CRLF3: variants seen among roughly 807,000 people sequenced by gnomAD.
CRLF3 encodes cytokine receptor like factor 3, also known as cytokine receptor-like factor 3.
CRLF3 carries 33 observed loss-of-function variants against 55.0 expected under a neutral mutation model. The observed-to-expected ratio is 0.60, with a 90% CI of 0.46 to 0.80. The LOEUF (loss-of-function observed/expected upper bound fraction) is 0.80. CRLF3 is among the 30% of genes least tolerant of loss of function. The pLI is 0.00. For synonymous variants in CRLF3, 238 were observed against 196.8 expected (o/e 1.21, Z -1.75); for missense variants, 494 against 538.4 (o/e 0.92, Z 0.82).
At chr17:30,790,050 T>C (rs1567658933) in intron 6 of CRLF3, among the ~76,000 whole-genome samples, 1 of 152,130 alleles carries the variant, frequency 6.6e-6, no homozygotes, top group Non-Finnish European at 1.5e-5. Flanking sequence ...TGAGTCATTC[T>C]TCATTAAGGG....
At chr17:30,791,096 CT>C (rs1001005180) in intron 6 of CRLF3, among the ~76,000 whole-genome samples, 4 of 150,110 alleles carry the variant, frequency 2.7e-5, no homozygotes, top group Admixed American at 2.7e-4. Context: ...TTTTTTTTTT[CT>C]TTTTGAGACG....
chr17:30,803,683 G>T, intron 2 of CRLF3: 2 of 541,878 alleles, frequency 3.7e-6, no homozygotes, highest in East Asian at 3.2e-5. Context: ...GTATTTTAAG[G>T]GGAAACCCCT....
In CRLF3 at chr17:30,824,464, C is replaced by A. The variant is rs553150865; in HGVS notation, c.129+59G>T. 1.9e-5 allele frequency: 29 copies of A among 1,503,806 alleles called. No individual in the cohort carries two copies. In the East Asian group the frequency reaches 6.4e-4, roughly 33 times the overall value. 93.2% of individuals were successfully genotyped at this position (1,503,806 alleles called of 1,614,324 possible). ...CACCCCTCAAAGCCCTCCCAGCCTT[C>A]GCCCGGCATCCGCGCCACCCCCGGG... On this transcript the variant is annotated intron_variant, in intron 1 of 7. Transcript: ENST00000324238.
In CRLF3 at chr17:30,783,336, G is replaced by A. The variant is rs1971544273; in HGVS notation, c.*851C>T. On this transcript the variant is annotated 3_prime_UTR_variant, in exon 8 of 8. Transcript: ENST00000324238. ...AGCATTTAAAAAAATACAAAAATTG[G>A]TCCACTGCAGTGGCTCACACCTGTA... 1 of 152,128 alleles carries A rather than the reference G, an allele frequency of 6.6e-6. No homozygotes were observed. Among genetic ancestry groups the A allele is most frequent in the Non-Finnish European group, 1.5e-5 (1 of 68,052 alleles). 9.4% of individuals were successfully genotyped at this position (152,128 alleles called of 1,614,324 possible). A position where few individuals can be genotyped will look rare whatever the true frequency, so the allele number is the denominator to read the frequency against.
At position 30,793,471 on chromosome 17, in the gene CRLF3, G is replaced by A; in HGVS notation, c.805C>T (p.His269Tyr). The change falls in exon 5 of 8, where the codon CAT becomes TAT. Residue 269 changes from histidine to tyrosine, a missense_variant. Physicochemically the swap from His to Tyr is moderately conservative, Grantham distance 83 (BLOSUM62 2). Coordinates refer to ENST00000324238, the MANE Select transcript of CRLF3 (RefSeq NM_015986.4). ...WSPWSVPQIG[H>Y]STLVPHEWTA... Reference sequence around the variant, plus strand: ...ATACCATGAGGCACCAATGTGGAATGACCTATCTGGGGGACACTCCAAGGA... The same window carrying A: ...ATACCATGAGGCACCAATGTGGAATAACCTATCTGGGGGACACTCCAAGGA... 6.2e-7 allele frequency: 1 copy of A among 1,614,014 alleles called. No individual in the cohort carries two copies.
At position 30,797,374 on chromosome 17, in the gene CRLF3, A is replaced by G. The variant is rs772658789; in HGVS notation, c.362T>C (p.Val121Ala). 1 of 1,613,872 alleles carries G rather than the reference A, an allele frequency of 6.2e-7. No homozygotes were observed. Among genetic ancestry groups the G allele is most frequent in the South Asian group, 1.1e-5 (1 of 91,072 alleles). ...REGEIAMLGG[V>A]GEENEKLWSF... ...CCACAGTTTCTCATTCTCTTCTCCC[A>G]CACCACCAAGCATGGCGATTTCACC... is the stretch of plus-strand genomic sequence containing the variant. The change falls in exon 3 of 8, where the codon GTG (valine) becomes GCG (alanine). Residue 121 changes from valine to alanine, a missense_variant. Physicochemically the swap from Val to Ala is moderately conservative, Grantham distance 64 (BLOSUM62 0). Transcript: ENST00000324238.
chr17:30,796,263 A>G lies in CRLF3; in HGVS notation c.500T>C (p.Val167Ala). The G allele has an allele frequency of 6.2e-7, 1 of 1,614,084 alleles. No individual in the cohort carries two copies. The highest frequency in any genetic ancestry group is 8.5e-7 in the Non-Finnish European group (1 of 1,179,974). Residue 167 changes from valine to alanine, a missense_variant, in exon 4 of 8, where the codon GTG (valine) becomes GCG (alanine). Physicochemically the swap from Val to Ala is moderately conservative, Grantham distance 64. Coordinates refer to ENST00000324238, the MANE Select transcript of CRLF3 (RefSeq NM_015986.4). ...TCCATGCTTAAAAATGTGGTCTTTC[A>G]CTATGTTAAGAATTGAGTCATCCAA... is the stretch of plus-strand genomic sequence containing the variant. ...AQLDDSILNI[V>A]KDHIFKHGTV...
chr17:30,808,277 ATTTTTTTT>A lies in CRLF3; in HGVS notation c.130-4177_130-4170del, dbSNP rs71138901. On this transcript the variant is annotated intron_variant, in intron 1 of 7. Transcript: ENST00000324238. ...TTCCTCCTCCTCCCCTAGAACCTAT[ATTTTTTTT>A]TTTTTTTTTTTTTTTTTTGGAGATG... 6.0e-4 allele frequency among the ~76,000 whole-genome samples: 33 copies of A among 54,898 alleles called. 1 individual carries two copies. The South Asian group carries it at 9.9e-3, about 16-fold the overall frequency. The allele number at this position is 54,898 out of a possible 152,430, so 36.0% of individuals were successfully genotyped here. A position where few individuals can be genotyped will look rare whatever the true frequency, so the allele number is the denominator to read the frequency against.
chr17:30,810,270 A>G (rs541823024), intron 1 of CRLF3, among the ~76,000 whole-genome samples: 8 of 152,154 alleles, frequency 5.3e-5, no homozygotes, highest in Non-Finnish European at 1.2e-4. Context: ...AAAACTTACA[A>G]AGTTTTGGCC....
At chr17:30,800,346 T>G (rs749528019) in intron 2 of CRLF3, among the ~76,000 whole-genome samples, 2 of 152,182 alleles carry the variant, frequency 1.3e-5, no homozygotes, top group Non-Finnish European at 2.9e-5. Flanking sequence ...TGGTATGATC[T>G]CTCTCCTAAG....
intron 1 of CRLF3, among the ~76,000 whole-genome samples, chr17:30,804,922 C>T (rs1485436504): frequency 6.6e-6 from 1 of 152,172 alleles, no homozygotes; most frequent in Non-Finnish European, 1.5e-5. Flanking sequence ...GTGCCTCATG[C>T]CTGTAATCCC....
At chr17:30,810,574 T>C (rs1904581813) in intron 1 of CRLF3, among the ~76,000 whole-genome samples, 1 of 151,240 alleles carries the variant, frequency 6.6e-6, no homozygotes, top group South Asian at 2.1e-4. Context: ...AAAAAAATAA[T>C]AAATAAATAA....
rs377421958 is a variant in CRLF3, at chr17:30,784,229, T to G, written c.1287A>C (p.Gly429=). 5 of 1,613,806 alleles carry G rather than the reference T, an allele frequency of 3.1e-6. No individual in the cohort carries two copies. Among genetic ancestry groups the G allele is most frequent in the Non-Finnish European group, 4.2e-6 (5 of 1,179,950 alleles). The stretch of plus-strand genomic sequence containing the variant: ...TCCATCCAGGATAGAAAAATGAGCA[T>G]CCAAAGTAAAGAGAACCACAAGACT... ...LDQSCGSLYF[G]CSFFYPGWKV... is the part of the protein sequence containing the mutation. The change falls in exon 8 of 8, where the codon GGA becomes GGC. Residue 429 remains glycine (G), a synonymous_variant. Coordinates refer to ENST00000324238, the MANE Select transcript of CRLF3 (RefSeq NM_015986.4).
intron 1 of CRLF3, among the ~76,000 whole-genome samples, chr17:30,820,348 C>T (rs966871350): frequency 1.1e-4 from 16 of 152,162 alleles, no homozygotes; most frequent in Admixed American, 8.5e-4. Context: ...TTTCTCAATA[C>T]GAGACAAATT....
chr17:30,816,828 CAACT>C (rs1263276305), intron 1 of CRLF3, among the ~76,000 whole-genome samples: 3 of 152,058 alleles, frequency 2.0e-5, no homozygotes, highest in Non-Finnish European at 4.4e-5. Flanking sequence ...AGTTATGTTA[CAACT>C]ATCTACAGTA....
Position 30,786,040 on chromosome 17 carries a change from G to C in CRLF3, c.960-9C>G. 1 of 1,425,434 alleles carries C rather than the reference G, an allele frequency of 7.0e-7. No individual in the cohort carries two copies. Among genetic ancestry groups the C allele is most frequent in the Non-Finnish European group, 9.9e-7 (1 of 1,012,702 alleles). 88.3% of individuals were successfully genotyped at this position (1,425,434 alleles called of 1,614,324 possible). ...GTCCCACAGTTTCAACTCTGTAAAT[G>C]AAGTAGAAAGGTCATTTCATACTTT... On this transcript the variant is annotated splice_polypyrimidine_tract_variant and intron_variant, in intron 6 of 7. Transcript: ENST00000324238.
chr17:30,789,442 G>A (rs1971735431), intron 6 of CRLF3, among the ~76,000 whole-genome samples: 1 of 152,196 alleles, frequency 6.6e-6, no homozygotes, highest in Non-Finnish European at 1.5e-5. Context: ...ATCAAGTGGT[G>A]AAAGGTCATA....
intron 4 of CRLF3, among the ~76,000 whole-genome samples, chr17:30,793,996 G>A (rs991866369): frequency 6.6e-6 from 1 of 151,990 alleles, no homozygotes; most frequent in Admixed American, 6.6e-5. Context: ...ACACCACCAT[G>A]TCCGGCTAAT....
intron 2 of CRLF3, 31 bp downstream of exon 2, chr17:30,803,870 C>T (rs765941251): frequency 1.5e-5 from 23 of 1,486,782 alleles, no homozygotes; most frequent in Non-Finnish European, 2.0e-5. Context: ...TGGACGAATG[C>T]ACTAATACAA....
Sources: allele counts gnomAD v4.1 joint callset (sites outside exome capture counted in the v4.1 genomes callset), GRCh38; gene constraint gnomAD v4.1.1; transcripts MANE v1.5; gene names NCBI Gene and HGNC (gene_info 2026-07-23, HGNC 2026-07-21).